WWC1: variants seen among roughly 807,000 people sequenced by gnomAD.
The protein encoded by WWC1 is WW and C2 domain containing 1, also known as protein KIBRA.
WWC1 carries 55 observed loss-of-function variants against 138.4 expected under a neutral mutation model. The ratio of observed to expected loss-of-function variants is 0.40; its 90% CI spans 0.32 to 0.50. The LOEUF (loss-of-function observed/expected upper bound fraction) is 0.50, where lower values mean the gene tolerates loss of function less well. Among genes scored for constraint, WWC1 ranks in the 20% least tolerant of loss-of-function variants. The probability of loss-of-function intolerance (pLI) is 0.72; values close to 1 mark genes in which losing one functional copy is unlikely to be tolerated. For missense variants in WWC1, 1,226 were observed against 1,420.4 expected (o/e 0.86, Z 2.20); for synonymous variants, 524 against 564.9 (o/e 0.93, Z 1.03).
intron 2 of WWC1, among the ~76,000 whole-genome samples, chr5:168,382,276 C>G (rs1385674781): frequency 6.6e-6 from 1 of 152,076 alleles, no homozygotes; most frequent in Middle Eastern, 3.2e-3. Context: ...ATTAAAGTAA[C>G]CTTGTATATA....
At chr5:168,343,816 CAAAA>C (rs35208487) in intron 1 of WWC1, among the ~76,000 whole-genome samples, 8 of 135,624 alleles carry the variant, frequency 5.9e-5, no homozygotes, top group Non-Finnish European at 6.4e-5. Flanking sequence ...GACTATGTCT[CAAAA>C]AAAAAAAAAA....
At chr5:168,360,436 AAT>A (rs1305085077) in intron 1 of WWC1, among the ~76,000 whole-genome samples, 1 of 152,150 alleles carries the variant, frequency 6.6e-6, no homozygotes, top group African/African-American at 2.4e-5. Context: ...GCCTCACAGA[AAT>A]ATTGTTAGAA....
intron 1 of WWC1, among the ~76,000 whole-genome samples, chr5:168,326,204 C>T (rs762688635): frequency 1.4e-5 from 2 of 144,034 alleles, no homozygotes; most frequent in African/African-American, 2.7e-5. Context: ...CTCAGGACAC[C>T]GACCTGATAG....
intron 1 of WWC1, among the ~76,000 whole-genome samples, chr5:168,329,753 A>G (rs931996735): frequency 5.9e-5 from 9 of 152,338 alleles, no homozygotes; most frequent in Middle Eastern, 3.4e-3. Flanking sequence ...GAGCAAAACA[A>G]TAATTCAAAG....
chr5:168,384,083 C>T (rs1201894024), intron 2 of WWC1, among the ~76,000 whole-genome samples: 1 of 151,972 alleles, frequency 6.6e-6, no homozygotes, highest in Non-Finnish European at 1.5e-5. Flanking sequence ...TTATAAGTAC[C>T]TTTCCATGTT....
chr5:168,463,549 A>G (rs1020133220), intron 20 of WWC1, among the ~76,000 whole-genome samples: 1 of 152,206 alleles, frequency 6.6e-6, no homozygotes, highest in Non-Finnish European at 1.5e-5. Flanking sequence ...GGGCGTGTAT[A>G]TTAGCAATGG....
At chr5:168,406,525 C>T (rs1779805852) in intron 6 of WWC1, among the ~76,000 whole-genome samples, 198 bp downstream of exon 6, 1 of 152,226 alleles carries the variant, frequency 6.6e-6, no homozygotes, top group South Asian at 2.1e-4. Context: ...TAAGGTCACA[C>T]AGCTAGTGTA....
intron 17 of WWC1, among the ~76,000 whole-genome samples, chr5:168,451,102 TC>T (rs915291820): frequency 6.6e-4 from 98 of 147,900 alleles, no homozygotes; most frequent in African/African-American, 2.3e-3. Context: ...CACTGCAATC[TC>T]CACCTCCCGG....
In WWC1 at chr5:168,353,717, G is replaced by A. The variant is rs374041100; in HGVS notation, c.120-17707G>A. On this transcript the variant is annotated intron_variant, in intron 1 of 22. Coordinates refer to ENST00000265293, the MANE Select transcript of WWC1 (RefSeq NM_015238.3). ...AGTGTCCTCCACTGTGTAGTGTGTG[G>A]TTGGGAAGGTTAAATGCAAGGTCTT... Among the ~76,000 whole-genome samples the A allele has an allele frequency of 3.9e-5, 6 of 152,364 alleles. No individual in the cohort carries two copies. In the East Asian group the frequency reaches 9.6e-4, roughly 24 times the overall value.
chr5:168,404,544 C>T (rs147013891), intron 5 of WWC1, among the ~76,000 whole-genome samples: 259 of 152,302 alleles, frequency 1.7e-3, no homozygotes, highest in African/African-American at 4.8e-3. Context: ...TGCTTGGAGG[C>T]GCAGACGATG....
chr5:168,391,658 CAA>C (rs568054198), intron 3 of WWC1, among the ~76,000 whole-genome samples: 3 of 82,874 alleles, frequency 3.6e-5, no homozygotes, highest in African/African-American at 8.3e-5. Context: ...CACTCCGTCT[CAA>C]AAAAAAAAAA....
intron 1 of WWC1, among the ~76,000 whole-genome samples, chr5:168,332,912 T>C (rs985080393): frequency 8.5e-5 from 13 of 152,284 alleles, no homozygotes; most frequent in African/African-American, 2.9e-4. Flanking sequence ...TTTCACCCTG[T>C]TGGCCATGGT....
chr5:168,358,324 G>A (rs1582026374), intron 1 of WWC1, among the ~76,000 whole-genome samples: 1 of 152,182 alleles, frequency 6.6e-6, no homozygotes, highest in Non-Finnish European at 1.5e-5. Context: ...AATGAGGATG[G>A]GCAAGGAGAG....
intron 1 of WWC1, among the ~76,000 whole-genome samples, chr5:168,318,648 C>T (rs1010213689): frequency 1.3e-5 from 2 of 151,900 alleles, no homozygotes; most frequent in African/African-American, 4.8e-5. Flanking sequence ...CAGCCTCCAC[C>T]TCCTGGGTTC....
Position 168,411,907 on chromosome 5 carries a change from T to C in WWC1, c.941+1912T>C, listed in dbSNP as rs1313299356. The C allele has an allele frequency of 3.2e-6, 3 of 923,228 alleles. No homozygotes were observed. The African/African-American group carries it at 5.4e-5, about 17-fold the overall frequency. The allele number at this position is 923,228 out of a possible 1,614,324, so 57.2% of individuals were successfully genotyped here. On this transcript the variant is annotated intron_variant, in intron 8 of 22. Coordinates refer to ENST00000265293, the MANE Select transcript of WWC1 (RefSeq NM_015238.3). ...AGGTGACTTGAAAGTACGAAAGGAG[T>C]GATTTCCCAAAGACAAATTGGAATA...
chr5:168,373,719 T>TAAAAAA (rs368930085), intron 2 of WWC1, among the ~76,000 whole-genome samples: 10 of 52,650 alleles, frequency 1.9e-4, no homozygotes, highest in African/African-American at 2.5e-4. Flanking sequence ...CCTTGTCTCT[T>TAAAAAA]AAAAAAAAAA....
At chr5:168,400,022 C>T (rs997187109) in intron 5 of WWC1, among the ~76,000 whole-genome samples, 2 of 152,266 alleles carry the variant, frequency 1.3e-5, no homozygotes, top group Non-Finnish European at 2.9e-5. Context: ...CTAGCAAAAA[C>T]CAATTACTAG....
intron 1 of WWC1, among the ~76,000 whole-genome samples, chr5:168,316,380 CT>C (rs1267594861): frequency 1.3e-5 from 2 of 152,202 alleles, no homozygotes; most frequent in African/African-American, 4.8e-5. Context: ...CAGAAACCTG[CT>C]TTACCAGTCC....
chr5:168,378,154 C>G (rs976020624), intron 2 of WWC1, among the ~76,000 whole-genome samples: 3 of 152,172 alleles, frequency 2.0e-5, no homozygotes, highest in African/African-American at 7.2e-5. Context: ...GGCCATTATT[C>G]TAAGCAAATT....
Sources: gnomAD v4.1 joint callset for allele counts (sites outside exome capture counted in the v4.1 genomes callset) on GRCh38, gnomAD v4.1.1 for gene constraint, MANE v1.5 for transcripts, NCBI Gene and HGNC (gene_info 2026-07-23, HGNC 2026-07-21) for gene names.